Variants in PRKG1 observed in about 807,000 individuals in gnomAD.
PRKG1 encodes the protein cGMP-dependent protein kinase 1.
Under a neutral mutation model 88.1 loss-of-function variants are expected in PRKG1, and 35 were observed. The observed-to-expected ratio is 0.40, with a 90% CI of 0.30 to 0.53. PRKG1 has a LOEUF of 0.53. Among genes scored for constraint, PRKG1 ranks in the 20% least tolerant of loss-of-function variants. The pLI is 0.59. For synonymous variants in PRKG1, 303 were observed against 292.5 expected (o/e 1.04, Z -0.37); for missense variants, 540 against 839.8 (o/e 0.64, Z 4.41).
chr10:52,015,891 G>T (rs1400447838), intron 5 of PRKG1, among the ~76,000 whole-genome samples: 1 of 152,162 alleles, frequency 6.6e-6, no homozygotes, highest in Non-Finnish European at 1.5e-5. Flanking sequence ...CATAGCAAGG[G>T]TTATGCTTCA....
intron 9 of PRKG1, among the ~76,000 whole-genome samples, chr10:52,195,982 T>G (rs1045399087): frequency 6.6e-6 from 1 of 152,100 alleles, no homozygotes; most frequent in Non-Finnish European, 1.5e-5. Flanking sequence ...TGTGTAATGG[T>G]TGATTAAACA....
At chr10:51,994,506 A>AT (rs972733965) in intron 5 of PRKG1, among the ~76,000 whole-genome samples, 2 of 152,200 alleles carry the variant, frequency 1.3e-5, no homozygotes, top group African/African-American at 4.8e-5. Context: ...GGAAATAGTG[A>AT]TTTTCTTTTG....
intron 3 of PRKG1, among the ~76,000 whole-genome samples, chr10:51,737,738 T>TC (rs1837319793): frequency 7.5e-6 from 1 of 132,714 alleles, no homozygotes; most frequent in Admixed American, 8.4e-5. Context: ...TATTTATTTA[T>TC]TAATTATTAT....
chr10:51,248,258 A>G (rs998410082), intron 2 of PRKG1, among the ~76,000 whole-genome samples: 2 of 151,912 alleles, frequency 1.3e-5, no homozygotes, highest in African/African-American at 4.8e-5. Context: ...CAAAGTCAGG[A>G]TCAAATATTC....
chr10:51,545,025 T>A (rs1842412552), intron 3 of PRKG1, among the ~76,000 whole-genome samples: 1 of 152,044 alleles, frequency 6.6e-6, no homozygotes, highest in Non-Finnish European at 1.5e-5. Context: ...ATTTGCACTT[T>A]CCAGCCCAGT....
intron 5 of PRKG1, among the ~76,000 whole-genome samples, chr10:51,967,729 G>A (rs578187842): frequency 9.9e-5 from 15 of 152,128 alleles, no homozygotes; most frequent in African/African-American, 3.1e-4. Context: ...GAATCCCGCC[G>A]TTCCTCAGAA....
intron 1 of PRKG1, among the ~76,000 whole-genome samples, chr10:51,146,181 T>A (rs1201743762): frequency 1.3e-5 from 2 of 150,036 alleles, no homozygotes; most frequent in Non-Finnish European, 3.0e-5. Context: ...AGAACAAGAC[T>A]CTGTCTCAAA....
intron 5 of PRKG1, among the ~76,000 whole-genome samples, chr10:52,046,524 T>G (rs1845867219): frequency 6.6e-6 from 1 of 152,162 alleles, no homozygotes; most frequent in African/African-American, 2.4e-5. Flanking sequence ...GATTACAATA[T>G]GACAGACACT....
At chr10:52,239,365 C>T (rs545359627) in intron 9 of PRKG1, among the ~76,000 whole-genome samples, 1 of 144,738 alleles carries the variant, frequency 6.9e-6, no homozygotes, top group Non-Finnish European at 1.5e-5. Flanking sequence ...AAAGAGATTC[C>T]TTTTTTTGAG....
chr10:52,142,725 A>G (rs531789880), intron 8 of PRKG1, among the ~76,000 whole-genome samples: 24 of 152,304 alleles, frequency 1.6e-4, no homozygotes, highest in Non-Finnish European at 2.1e-4. Flanking sequence ...TTATTTCATT[A>G]AAAACATGTG....
chr10:51,918,309 C>T (rs2132973441), intron 5 of PRKG1, among the ~76,000 whole-genome samples: 2 of 151,696 alleles, frequency 1.3e-5, no homozygotes, highest in South Asian at 4.2e-4. Flanking sequence ...GTTGTACTTC[C>T]TTCTGAAAAT....
chr10:52,180,262 T>C (rs998960942), intron 9 of PRKG1, among the ~76,000 whole-genome samples: 2 of 152,258 alleles, frequency 1.3e-5, no homozygotes, highest in African/African-American at 4.8e-5. Flanking sequence ...AAAATCTATT[T>C]GATTCTTAAT....
intron 9 of PRKG1, among the ~76,000 whole-genome samples, chr10:52,167,222 AT>A: frequency 6.6e-6 from 1 of 152,204 alleles, no homozygotes; most frequent in East Asian, 1.9e-4. Flanking sequence ...AACAGGGCAT[AT>A]CACATGAAGA....
At chr10:51,958,546 C>CTTTTTTTTTTT (rs754914836) in intron 5 of PRKG1, among the ~76,000 whole-genome samples, 1 of 92,866 alleles carries the variant, frequency 1.1e-5, no homozygotes, top group Non-Finnish European at 2.2e-5. Flanking sequence ...ATTGTTGTTC[C>CTTTTTTTTTTT]TTTTTTTTTT....
rs372421486 is a variant in PRKG1 at position 51,698,731 on chromosome 10, G to A, written c.593-105854G>A. 23 of 1,614,068 alleles carry A rather than the reference G, an allele frequency of 1.4e-5. No homozygotes were observed. The highest frequency in any genetic ancestry group is 2.2e-5 in the South Asian group (2 of 91,088). ...GAGTTAAGGAACCAGGACCAGCTCC[G>A]GGAACTGCAGCTGGTATTGGCCCTG... is the stretch of plus-strand genomic sequence containing the variant. On this transcript the variant is annotated intron_variant, in intron 3 of 17. Coordinates refer to ENST00000373980, the MANE Select transcript of PRKG1 (RefSeq NM_006258.4).
chr10:52,246,736 C>T (rs998931427), intron 9 of PRKG1, among the ~76,000 whole-genome samples: 3 of 151,686 alleles, frequency 2.0e-5, no homozygotes, highest in African/African-American at 2.4e-5. Context: ...ATGAGCCATG[C>T]GTGGTGGTGC....
At chr10:51,040,271 T>TGTGTGTGA (rs1230148963) in intron 1 of PRKG1, among the ~76,000 whole-genome samples, 9 of 140,778 alleles carry the variant, frequency 6.4e-5, no homozygotes, top group East Asian at 2.0e-4. Context: ...TGTGTGTGTG[T>TGTGTGTGA]GACCTCTTTA....
At chr10:51,022,975 C>T (rs536528019) in intron 1 of PRKG1, among the ~76,000 whole-genome samples, 21 of 152,160 alleles carry the variant, frequency 1.4e-4, no homozygotes, top group African/African-American at 2.9e-4. Flanking sequence ...CCAGCCTGGG[C>T]GACAATAGCG....
intron 2 of PRKG1, among the ~76,000 whole-genome samples, chr10:51,282,409 G>A (rs1840324557): frequency 6.6e-6 from 1 of 152,136 alleles, no homozygotes; most frequent in African/African-American, 2.4e-5. Flanking sequence ...AATGAGAACT[G>A]AAGTCTCAGG....
Sources: allele counts gnomAD v4.1 joint callset (sites outside exome capture counted in the v4.1 genomes callset), GRCh38; gene constraint gnomAD v4.1.1; transcripts MANE v1.5; gene names NCBI Gene and HGNC (gene_info 2026-07-23, HGNC 2026-07-21).